LTBP1: variants seen among roughly 807,000 people sequenced by gnomAD.
LTBP1 encodes latent transforming growth factor beta binding protein 1.
LTBP1 carries 129 observed loss-of-function variants against 207.6 expected under a neutral mutation model. The ratio of observed to expected loss-of-function variants is 0.62; its 90% CI spans 0.54 to 0.72. The LOEUF (loss-of-function observed/expected upper bound fraction) is 0.72. LTBP1 is among the 30% of genes least tolerant of loss of function. The pLI is 0.00. For synonymous variants in LTBP1, 963 were observed against 833.7 expected (o/e 1.16, Z -2.67); for missense variants, 2,281 against 2,217.2 (o/e 1.03, Z -0.58).
chr2:33,056,504 G>T, intron 3 of LTBP1: 1 of 754,928 alleles, frequency 1.3e-6, no homozygotes, highest in Non-Finnish European at 2.1e-6. Flanking sequence ...TCTTCTTCTT[G>T]TCCCTTCGTG....
intron 3 of LTBP1, among the ~76,000 whole-genome samples, chr2:33,039,550 T>C (rs1214569761): frequency 6.6e-6 from 1 of 152,224 alleles, no homozygotes; most frequent in East Asian, 1.9e-4. Flanking sequence ...TTGCCAAATA[T>C]ATCGAGACAC....
rs1558933730 is a variant in LTBP1 at position 33,277,800 on chromosome 2, TCTC to T, written c.2992+1878_2992+1880del. On this transcript the variant is annotated intron_variant, in intron 18 of 33. Coordinates refer to ENST00000404816, the MANE Select transcript of LTBP1 (RefSeq NM_206943.4). ...TTCTTTCTTTCTTTCTTTCTTTCTCTCTCTCTTTCTTTTTTTCTTTCTTTCTTT... is the reference window on the plus strand; with the variant it reads ...TTCTTTCTTTCTTTCTTTCTTTCTCTTCTTTCTTTTTTTCTTTCTTTCTTT... Among the ~76,000 whole-genome samples, 510 of 106,284 alleles carry T rather than the reference TCTC, an allele frequency of 4.8e-3. 6 individuals carry two copies. Among genetic ancestry groups the T allele is most frequent in the African/African-American group, 0.02 (485 of 23,878 alleles). The allele number at this position is 106,284 out of a possible 152,430, so 69.7% of individuals were successfully genotyped here. A position where few individuals can be genotyped will look rare whatever the true frequency, so the allele number is the denominator to read the frequency against.
At chr2:32,956,863 A>G (rs1024164592) in intron 2 of LTBP1, among the ~76,000 whole-genome samples, 1 of 152,240 alleles carries the variant, frequency 6.6e-6, no homozygotes, top group Non-Finnish European at 1.5e-5. Flanking sequence ...AGAATGGATG[A>G]TATTTTAGCA....
At position 32,948,812 on chromosome 2, in the gene LTBP1, A is replaced by G. The variant is rs540881867; in HGVS notation, c.495-63A>G. 2.3e-5 allele frequency: 33 copies of G among 1,460,656 alleles called. No homozygotes were observed. In the East Asian group the frequency reaches 7.3e-4, roughly 32 times the overall value. 90.5% of individuals were successfully genotyped at this position (1,460,656 alleles called of 1,614,324 possible). A position where few individuals can be genotyped will look rare whatever the true frequency, so the allele number is the denominator to read the frequency against. On this transcript the variant is annotated intron_variant, in intron 1 of 33. Coordinates refer to ENST00000404816, the MANE Select transcript of LTBP1 (RefSeq NM_206943.4). ...GCTGGCCTTTCTGGAACATGCTGGAAGCTTGGGTTCTTGGGAAGGGGGTCT... is the reference window on the plus strand; with the variant it reads ...GCTGGCCTTTCTGGAACATGCTGGAGGCTTGGGTTCTTGGGAAGGGGGTCT...
intron 3 of LTBP1, among the ~76,000 whole-genome samples, chr2:33,027,385 T>G (rs2075470896): frequency 6.6e-6 from 1 of 152,214 alleles, no homozygotes; most frequent in Non-Finnish European, 1.5e-5. Context: ...TCTACTCTCT[T>G]AGCAAATTAC....
intron 5 of LTBP1, among the ~76,000 whole-genome samples, chr2:33,155,369 C>G (rs17565877): frequency 0.39 from 58,714 of 152,094 alleles, 13,374 homozygotes; most frequent in Non-Finnish European, 0.5. Flanking sequence ...CGCCCAGTCT[C>G]TAATACAGAT....
intron 2 of LTBP1, among the ~76,000 whole-genome samples, chr2:32,991,516 A>G (rs1211689941): frequency 1.3e-5 from 2 of 152,224 alleles, no homozygotes; most frequent in Non-Finnish European, 2.9e-5. Flanking sequence ...AGGGTTTGAG[A>G]TCAGAGGATG....
chr2:33,353,475 C>T (rs768651155), intron 26 of LTBP1, among the ~76,000 whole-genome samples: 1 of 152,202 alleles, frequency 6.6e-6, no homozygotes, highest in African/African-American at 2.4e-5. Context: ...CAGCTCACTG[C>T]TGAGCACGGC....
At chr2:33,037,512 T>A (rs2075982792) in intron 3 of LTBP1, among the ~76,000 whole-genome samples, 1 of 152,226 alleles carries the variant, frequency 6.6e-6, no homozygotes, top group Non-Finnish European at 1.5e-5. Flanking sequence ...TCTTATTATT[T>A]AGTCATATTT....
At chr2:33,378,185 ATGTG>A (rs57388002) in intron 31 of LTBP1, among the ~76,000 whole-genome samples, 2,190 of 131,998 alleles carry the variant, frequency 0.017, 32 homozygotes, top group African/African-American at 0.026. Flanking sequence ...ATATATATAT[ATGTG>A]TGTGTGTGTG....
At chr2:33,371,965 C>A (rs1376476131) in intron 31 of LTBP1, among the ~76,000 whole-genome samples, 3 of 152,224 alleles carry the variant, frequency 2.0e-5, no homozygotes, top group African/African-American at 7.2e-5. Flanking sequence ...GTGTATGCTA[C>A]TTGCCCATTA....
intron 3 of LTBP1, among the ~76,000 whole-genome samples, chr2:33,028,129 G>T (rs1396337662): frequency 6.6e-6 from 1 of 152,138 alleles, no homozygotes; most frequent in Non-Finnish European, 1.5e-5. Context: ...GGAGGTGGGA[G>T]AGACAAGGAC....
intron 5 of LTBP1, among the ~76,000 whole-genome samples, chr2:33,173,919 A>C (rs2148498158): frequency 6.9e-6 from 1 of 145,392 alleles, no homozygotes; most frequent in South Asian, 2.2e-4. Flanking sequence ...TGATTATCTC[A>C]ATAGATGCAG....
intron 4 of LTBP1, among the ~76,000 whole-genome samples, chr2:33,114,541 C>G (rs1323161754): frequency 1.3e-5 from 2 of 152,138 alleles, no homozygotes; most frequent in African/African-American, 2.4e-5. Flanking sequence ...TAGCAGCTGT[C>G]CTTCATTCTC....
chr2:33,032,879 A>G (rs939773515), intron 3 of LTBP1, among the ~76,000 whole-genome samples: 1 of 152,230 alleles, frequency 6.6e-6, no homozygotes, highest in Non-Finnish European at 1.5e-5. Flanking sequence ...TTTCATACCT[A>G]GTGAGGAAAT....
intron 7 of LTBP1, among the ~76,000 whole-genome samples, chr2:33,197,349 G>A (rs947483213): frequency 6.6e-6 from 1 of 152,158 alleles, no homozygotes; most frequent in African/African-American, 2.4e-5. Flanking sequence ...GAAAACATTT[G>A]CAAGAGTTTG....
intron 5 of LTBP1, among the ~76,000 whole-genome samples, chr2:33,141,954 A>C (rs1425362464): frequency 6.6e-6 from 1 of 152,220 alleles, no homozygotes; most frequent in African/African-American, 2.4e-5. Context: ...GAAAAAAAGG[A>C]TACAGTCCTG....
intron 5 of LTBP1, among the ~76,000 whole-genome samples, chr2:33,158,037 G>A (rs2084124220): frequency 6.6e-6 from 1 of 151,496 alleles, no homozygotes. Flanking sequence ...TTGGGAGGCT[G>A]AGGCAGGAGA....
chr2:33,257,102 T>C (rs182497949), intron 11 of LTBP1, among the ~76,000 whole-genome samples, 182 bp from the exon 12 acceptor site: 1 of 152,268 alleles, frequency 6.6e-6, no homozygotes, highest in African/African-American at 2.4e-5. Flanking sequence ...ATTTTTTTCT[T>C]TAAATATGCA....
Sources: gnomAD v4.1 joint callset for allele counts (sites outside exome capture counted in the v4.1 genomes callset) on GRCh38, gnomAD v4.1.1 for gene constraint, MANE v1.5 for transcripts, NCBI Gene and HGNC (gene_info 2026-07-23, HGNC 2026-07-21) for gene names.